The following TRPC4 variants were observed in gnomAD, a reference collection of about 807,000 sequenced individuals.
TRPC4 encodes short transient receptor potential channel 4.
Under a neutral mutation model 99.4 loss-of-function variants are expected in TRPC4, and 49 were observed. The observed-to-expected ratio is 0.49, with a 90% confidence interval of 0.39 to 0.63. The LOEUF is 0.63. Among genes scored for constraint, TRPC4 ranks in the 20% least tolerant of loss-of-function variants. The pLI, the probability that TRPC4 is intolerant of heterozygous loss-of-function variation, is 0.00. For missense variants in TRPC4, 898 were observed against 1,152.9 expected (o/e 0.78, Z 3.20); for synonymous variants, 454 against 425.9 (o/e 1.07, Z -0.81).
At chr13:37,775,855 T>C (rs1956685755) in intron 2 of TRPC4, among the ~76,000 whole-genome samples, 2 of 151,748 alleles carry the variant, frequency 1.3e-5, no homozygotes, top group African/African-American at 2.4e-5. Context: ...GTTCCAAATA[T>C]ATCTAATATT....
At chr13:37,710,831 G>A (rs1954459707) in intron 3 of TRPC4, among the ~76,000 whole-genome samples, 1 of 151,870 alleles carries the variant, frequency 6.6e-6, no homozygotes, top group Non-Finnish European at 1.5e-5. Flanking sequence ...AGGGAAAAAA[G>A]TGAATGAAAG....
chr13:37,657,627 A>G (rs1188898249), intron 6 of TRPC4, among the ~76,000 whole-genome samples: 1 of 152,234 alleles, frequency 6.6e-6, no homozygotes, highest in Non-Finnish European at 1.5e-5. Flanking sequence ...TATACAATAT[A>G]TAGTGTAAAA....
chr13:37,717,159 C>T (rs947722399), intron 3 of TRPC4, among the ~76,000 whole-genome samples: 7 of 152,004 alleles, frequency 4.6e-5, no homozygotes, highest in African/African-American at 1.7e-4. Flanking sequence ...GTTTCAAGAA[C>T]AATTTTCAAA....
chr13:37,729,452 T>C (rs1350410718), intron 3 of TRPC4, among the ~76,000 whole-genome samples: 1 of 151,962 alleles, frequency 6.6e-6, no homozygotes, highest in Non-Finnish European at 1.5e-5. Flanking sequence ...AAAATACAAT[T>C]ACTATATGAT....
intron 8 of TRPC4, among the ~76,000 whole-genome samples, chr13:37,647,803 C>G (rs749435188): frequency 6.6e-5 from 10 of 152,176 alleles, no homozygotes; most frequent in Middle Eastern, 3.2e-3. Flanking sequence ...TGTATGTCCA[C>G]ATAATAAACT....
At chr13:37,716,349 G>A (rs1954666304) in intron 3 of TRPC4, among the ~76,000 whole-genome samples, 1 of 152,054 alleles carries the variant, frequency 6.6e-6, no homozygotes, top group Non-Finnish European at 1.5e-5. Flanking sequence ...GGAGAATTTT[G>A]AATCCTAAAA....
intron 3 of TRPC4, among the ~76,000 whole-genome samples, chr13:37,719,236 T>C (rs1954782534): frequency 6.6e-6 from 1 of 152,092 alleles, no homozygotes; most frequent in African/African-American, 2.4e-5. Context: ...TAGTCTCAGC[T>C]ACGTTGGAGG....
At chr13:37,766,410 ATGC>A (rs767641881) in intron 2 of TRPC4, among the ~76,000 whole-genome samples, 3,175 of 140,480 alleles carry the variant, frequency 0.023, 71 homozygotes, top group Non-Finnish European at 0.031. Flanking sequence ...AAACAAATCT[ATGC>A]TAAACCGGGA....
At chr13:37,671,545 T>C (rs963351588) in intron 5 of TRPC4, among the ~76,000 whole-genome samples, 1 of 149,674 alleles carries the variant, frequency 6.7e-6, no homozygotes, top group African/African-American at 2.5e-5. Context: ...AGTAGACTCA[T>C]AGTACATGAG....
chr13:37,793,392 C>G (rs7981862), intron 1 of TRPC4, among the ~76,000 whole-genome samples: 2 of 150,922 alleles, frequency 1.3e-5, no homozygotes, highest in African/African-American at 2.4e-5. Context: ...CCTATTAACT[C>G]GTCATTTAAC....
intron 2 of TRPC4, among the ~76,000 whole-genome samples, chr13:37,756,420 A>G (rs1173781765): frequency 6.6e-6 from 1 of 152,192 alleles, no homozygotes; most frequent in Admixed American, 6.6e-5. Context: ...GTCTAAGCCT[A>G]GGGCTAATAA....
chr13:37,834,378 C>G (rs1271453376), intron 1 of TRPC4, among the ~76,000 whole-genome samples: 1 of 152,128 alleles, frequency 6.6e-6, no homozygotes. Flanking sequence ...AAGGAAAGTT[C>G]CTACTTAATA....
intron 3 of TRPC4, among the ~76,000 whole-genome samples, chr13:37,736,834 T>C (rs914745743): frequency 2.0e-5 from 3 of 150,986 alleles, no homozygotes; most frequent in Admixed American, 6.6e-5. Flanking sequence ...GCTCAATTGA[T>C]CCTCCCATCT....
At chr13:37,640,896 A>T (rs1198567914) in intron 8 of TRPC4, among the ~76,000 whole-genome samples, 1 of 152,178 alleles carries the variant, frequency 6.6e-6, no homozygotes, top group Non-Finnish European at 1.5e-5. Context: ...ATATAGAAAG[A>T]ATTTAGTCTA....
At chr13:37,750,668 C>G (rs937848892) in intron 2 of TRPC4, among the ~76,000 whole-genome samples, 6 of 152,004 alleles carry the variant, frequency 3.9e-5, no homozygotes, top group African/African-American at 1.4e-4. Flanking sequence ...TATTATTGTA[C>G]TTTAAGTTCT....
rs552318766 is a variant in TRPC4, at chr13:37,804,952, A to C, written c.-27-21592T>G. On this transcript the variant is annotated intron_variant, in intron 1 of 10. Transcript: ENST00000379705. Reference sequence around the variant, plus strand: ...AAACTGTGAATGAGAAGTTAATTATATCTAATACTTAATTAACAAAATTGC... The same window carrying C: ...AAACTGTGAATGAGAAGTTAATTATCTCTAATACTTAATTAACAAAATTGC... Among the ~76,000 whole-genome samples the C allele has an allele frequency of 5.9e-5, 9 of 152,148 alleles. No individual in the cohort carries two copies. In the South Asian group the frequency reaches 1.9e-3, roughly 32 times the overall value.
intron 1 of TRPC4, among the ~76,000 whole-genome samples, chr13:37,869,126 C>T (rs1306112186): frequency 1.3e-5 from 2 of 152,120 alleles, no homozygotes; most frequent in Non-Finnish European, 2.9e-5. Context: ...TGATCACTCT[C>T]CTTCCTTCGT....
chr13:37,659,048 T>C (rs895513537), intron 6 of TRPC4, among the ~76,000 whole-genome samples: 8 of 151,912 alleles, frequency 5.3e-5, no homozygotes, highest in Non-Finnish European at 1.0e-4. Context: ...TATTGAAGAG[T>C]AAAGTGTTAA....
intron 2 of TRPC4, among the ~76,000 whole-genome samples, chr13:37,752,167 C>T (rs574993774): frequency 5.3e-4 from 76 of 143,340 alleles, no homozygotes; most frequent in African/African-American, 2.0e-3. Context: ...AAATTATTTG[C>T]TAACTATAAT....
Sources: gnomAD v4.1 joint callset for allele counts (sites outside exome capture counted in the v4.1 genomes callset) on GRCh38, gnomAD v4.1.1 for gene constraint, MANE v1.5 for transcripts, NCBI Gene and HGNC (gene_info 2026-07-23, HGNC 2026-07-21) for gene names.